Variants in CLIP4 observed in about 807,000 individuals in gnomAD.
CLIP4 encodes the protein CAP-Gly domain containing linker protein family member 4, also known as CAP-Gly domain-containing linker protein 4.
Under a neutral mutation model 73.1 loss-of-function variants are expected in CLIP4, and 47 were observed. The observed-to-expected ratio is 0.64, with a 90% CI of 0.51 to 0.82. The LOEUF is 0.82. Among genes scored for constraint, CLIP4 ranks in the 40% least tolerant of loss-of-function variants. The pLI, the probability that CLIP4 is intolerant of heterozygous loss-of-function variation, is 0.00. For missense variants in CLIP4, 874 were observed against 852.9 expected, an observed-to-expected ratio of 1.02 and a Z score of -0.31; for synonymous variants, 306 against 295.4, an observed-to-expected ratio of 1.04 and a Z score of -0.37.
At chr2:29,135,453 G>C in intron 5 of CLIP4, 95 bp from the exon 6 acceptor site, 1 of 755,518 alleles carries the variant, frequency 1.3e-6, no homozygotes, top group African/African-American at 1.8e-5. Context: ...TCTTACAAAT[G>C]CTATAAGTCC....
chr2:29,143,933 T>G lies in CLIP4; in HGVS notation c.873T>G (p.Ile291Met), dbSNP rs771005284. The change falls in exon 7 of 16, where the codon ATT (isoleucine) becomes ATG (methionine). Residue 291 changes from isoleucine to methionine, a missense_variant. By Grantham distance (10) the Ile-to-Met change is conservative. Coordinates refer to ENST00000320081, the MANE Select transcript of CLIP4 (RefSeq NM_024692.6). ...TGAAGTTGGGGGATCGTGTTGTTAT[T>G]GCAGGACAGAAGGTACAGTAAGTAA... ...LGLKLGDRVV[I>M]AGQKVGTLRF... 1.9e-6 allele frequency: 3 copies of G among 1,614,096 alleles called. No individual in the cohort carries two copies. Among genetic ancestry groups the G allele is most frequent in the Admixed American group, 3.3e-5 (2 of 60,020 alleles).
intron 15 of CLIP4, among the ~76,000 whole-genome samples, chr2:29,179,690 C>T (rs1026950111): frequency 6.6e-6 from 1 of 152,178 alleles, no homozygotes; most frequent in East Asian, 1.9e-4. Context: ...ATGAAAATTA[C>T]AGTAATTTTG....
intron 15 of CLIP4, among the ~76,000 whole-genome samples, chr2:29,177,952 T>C (rs1901727): frequency 0.021 from 3,236 of 152,304 alleles, 97 homozygotes; most frequent in African/African-American, 0.072. Flanking sequence ...ATCATTCTTA[T>C]TAGAACGTTA....
chr2:29,101,293 C>CG (rs796975167), intron 1 of CLIP4, among the ~76,000 whole-genome samples: 1 of 147,268 alleles, frequency 6.8e-6, no homozygotes, highest in East Asian at 2.0e-4. Flanking sequence ...TTTTCCCCCC[C>CG]CCAAAACAAA....
chr2:29,123,480 T>C (rs1664399607), intron 2 of CLIP4, among the ~76,000 whole-genome samples: 1 of 151,876 alleles, frequency 6.6e-6, no homozygotes, highest in Non-Finnish European at 1.5e-5. Context: ...AGAAACAGGG[T>C]GCTGTGATAG....
At chr2:29,150,958 C>G (rs546791603) in intron 8 of CLIP4, among the ~76,000 whole-genome samples, 119 of 152,154 alleles carry the variant, frequency 7.8e-4, no homozygotes, top group Non-Finnish European at 1.4e-3. Flanking sequence ...TCTACATAAT[C>G]TTTATTGTCT....
At chr2:29,119,995 G>T (rs1664145518) in intron 1 of CLIP4, among the ~76,000 whole-genome samples, 1 of 152,124 alleles carries the variant, frequency 6.6e-6, no homozygotes, top group Admixed American at 6.5e-5. Flanking sequence ...CTAGAATAGT[G>T]TCTTGTATAT....
At chr2:29,162,524 T>C (rs962178293) in intron 12 of CLIP4, among the ~76,000 whole-genome samples, 18 of 152,390 alleles carry the variant, frequency 1.2e-4, no homozygotes, top group African/African-American at 3.4e-4. Flanking sequence ...TATGTATTTC[T>C]GCTGTATGCT....
rs1299073309 is a variant in CLIP4 at position 29,168,332 on chromosome 2, T to C, written c.1723+792T>C. Among the ~76,000 whole-genome samples, 7 of 152,270 alleles carry C rather than the reference T, an allele frequency of 4.6e-5. No homozygotes were observed. In the East Asian group the frequency reaches 1.2e-3, roughly 25 times the overall value. ...AGAGGGTAGTTTATCTTTTATCTTA[T>C]TAATTTGTAGGCTTCTTTGTGTATT... is the stretch of plus-strand genomic sequence containing the variant. On this transcript the variant is annotated intron_variant, in intron 14 of 15. Coordinates refer to ENST00000320081, the MANE Select transcript of CLIP4 (RefSeq NM_024692.6).
intron 14 of CLIP4, among the ~76,000 whole-genome samples, chr2:29,171,365 G>C (rs1215894712): frequency 1.3e-5 from 2 of 151,996 alleles, no homozygotes. Context: ...AATGTAAGTG[G>C]TGTTGCTTTC....
chr2:29,151,367 G>A (rs888172304), intron 8 of CLIP4, among the ~76,000 whole-genome samples: 3 of 151,986 alleles, frequency 2.0e-5, no homozygotes, highest in African/African-American at 4.8e-5. Context: ...AACCCTTGCC[G>A]ACACTGGTTG....
At chr2:29,120,778 T>C (rs1397848802) in intron 1 of CLIP4, among the ~76,000 whole-genome samples, 2 of 152,170 alleles carry the variant, frequency 1.3e-5, no homozygotes, top group African/African-American at 4.8e-5. Flanking sequence ...ATATAAGCCA[T>C]GTGCTTTAAA....
At chr2:29,129,593 A>G (rs1050742908) in intron 2 of CLIP4, among the ~76,000 whole-genome samples, 1 of 152,130 alleles carries the variant, frequency 6.6e-6, no homozygotes, top group African/African-American at 2.4e-5. Context: ...GAACAAGTCA[A>G]GGTTACCTGC....
chr2:29,120,513 GAAAT>G (rs912789856), intron 1 of CLIP4, among the ~76,000 whole-genome samples: 1 of 152,128 alleles, frequency 6.6e-6, no homozygotes, highest in African/African-American at 2.4e-5. Flanking sequence ...GCTTTCTACT[GAAAT>G]AATCTAAACT....
chr2:29,167,676 ATC>A, intron 14 of CLIP4, 136 bp downstream of exon 14: 2 of 552,734 alleles, frequency 3.6e-6, no homozygotes, highest in African/African-American at 2.0e-5. Context: ...TAGAACAAAC[ATC>A]TGTTACCTGT....
intron 11 of CLIP4, among the ~76,000 whole-genome samples, chr2:29,159,732 A>G (rs191317994): frequency 2.0e-5 from 3 of 151,198 alleles, no homozygotes; most frequent in Admixed American, 2.0e-4. Context: ...CTTTTTATAT[A>G]ATTTACACTG....
At chr2:29,170,107 A>G (rs950734202) in intron 14 of CLIP4, among the ~76,000 whole-genome samples, 2 of 152,152 alleles carry the variant, frequency 1.3e-5, no homozygotes, top group African/African-American at 4.8e-5. Context: ...GTGGAATAAT[A>G]TTCCACTGTA....
At chr2:29,097,939 A>G (rs548596318) in exon 1 of CLIP4, 2 of 152,348 alleles carry the variant, frequency 1.3e-5, no homozygotes, top group African/African-American at 4.8e-5. Flanking sequence ...AGACAGTCAC[A>G]TGGTTTGGGT....
At chr2:29,139,254 A>G (rs995650152) in intron 6 of CLIP4, among the ~76,000 whole-genome samples, 12 of 151,280 alleles carry the variant, frequency 7.9e-5, no homozygotes, top group East Asian at 5.8e-4. Context: ...TTCTGTGTCT[A>G]TTGAGATGAT....
Sources: allele counts gnomAD v4.1 joint callset (sites outside exome capture counted in the v4.1 genomes callset), GRCh38; gene constraint gnomAD v4.1.1; transcripts MANE v1.5; gene names NCBI Gene and HGNC (gene_info 2026-07-23, HGNC 2026-07-21).